PFKM: variants seen among roughly 807,000 people sequenced by gnomAD.
PFKM encodes ATP-dependent 6-phosphofructokinase, muscle type.
In PFKM, 58 loss-of-function variants were observed where a neutral mutation model predicts 95.5. The observed-to-expected ratio is 0.61, with a 90% CI of 0.49 to 0.76. The LOEUF (loss-of-function observed/expected upper bound fraction) is 0.76, where lower values mean the gene tolerates loss of function less well. PFKM is among the 30% of genes least tolerant of loss of function. The pLI is 0.00. For synonymous variants in PFKM, 336 were observed against 357.2 expected, an observed-to-expected ratio of 0.94 and a Z score of 0.67; for missense variants, 678 against 1,005.4, an observed-to-expected ratio of 0.67 and a Z score of 4.40.
intron 1 of PFKM, among the ~76,000 whole-genome samples, chr12:48,121,602 A>G (rs972420731): frequency 1.7e-4 from 26 of 152,326 alleles, no homozygotes; most frequent in Admixed American, 6.5e-4. Context: ...AGCTGCCCGT[A>G]AAACTTGGGT....
intron 1 of PFKM, chr12:48,106,294 T>A (rs1489550090): frequency 1.7e-6 from 1 of 593,622 alleles, no homozygotes; most frequent in Non-Finnish European, 3.0e-6. Context: ...TTTTTCGCTT[T>A]CTCGTACTCG....
chr12:48,120,152 A>G (rs1043345149), intron 1 of PFKM, among the ~76,000 whole-genome samples: 30 of 152,212 alleles, frequency 2.0e-4, no homozygotes, highest in African/African-American at 6.7e-4. Context: ...TTCTTTTTGG[A>G]AAACAGCAGA....
rs142868881 is a variant in PFKM, at chr12:48,135,015, A to G, written c.820A>G (p.Ile274Val). 2.0e-4 allele frequency: 318 copies of G among 1,613,384 alleles called. No individual in the cohort carries two copies. The highest frequency in any genetic ancestry group is 4.5e-4 in the Admixed American group (27 of 60,020). The change falls in exon 9 of 23, where the codon ATC becomes GTC. Residue 274 changes from isoleucine to valine, a missense_variant. By Grantham distance (29) the Ile-to-Val change is conservative (BLOSUM62 3). Transcript: ENST00000359794. ...EGAIDKNGKPITSEDIKNLVV... is the reference protein window; with the variant it reads ...EGAIDKNGKPVTSEDIKNLVV... ...TGCAATTGACAAGAATGGAAAACCAATCACCTCAGAAGACATCAAGAATGT... is the reference window on the plus strand; with the variant it reads ...TGCAATTGACAAGAATGGAAAACCAGTCACCTCAGAAGACATCAAGAATGT...
In PFKM at chr12:48,145,687, G is replaced by A. The variant is rs2136056634; in HGVS notation, c.2322G>A (p.Arg774=). The stretch of plus-strand genomic sequence containing the variant: ...ACCTGGAGCACATCACCCGGAAGCG[G>A]TCCGGGGAAGCTGCCGTCTAAACCT... The part of the protein sequence containing the change: ...HAHLEHITRK[R]SGEAAV Residue 774 remains arginine (R), a synonymous_variant, in exon 23 of 23, where the codon CGG becomes CGA. Coordinates refer to ENST00000359794, the MANE Select transcript of PFKM (RefSeq NM_000289.6). The surrounding 1 kb of genome is among the most constrained non-coding windows in gnomAD (Gnocchi z 4.3). 1 of 1,614,172 alleles carries A rather than the reference G, an allele frequency of 6.2e-7. No homozygotes were observed. The highest frequency in any genetic ancestry group is 8.5e-7 in the Non-Finnish European group (1 of 1,180,006).
chr12:48,105,923 G>A, exon 1 of PFKM: 1 of 663,608 alleles, frequency 1.5e-6, no homozygotes, highest in Non-Finnish European at 2.7e-6. Context: ...AGTGCTCCCC[G>A]CTTCCGCCCA....
chr12:48,114,085 T>C lies in PFKM; in HGVS notation c.205+5891T>C, dbSNP rs527247986. 6.4e-4 allele frequency among the ~76,000 whole-genome samples: 97 copies of C among 152,260 alleles called. 1 individual carries two copies. The South Asian group carries it at 6.8e-3, about 11-fold the overall frequency. The stretch of plus-strand genomic sequence containing the variant: ...CTGGGGAATCGGCCGGATAGTTCCA[T>C]TGGGGATCGCCTCAGGGAACTGCTC... On this transcript the variant is annotated intron_variant, in intron 3 of 24. Coordinates refer to the PFKM transcript ENST00000340802.
At position 48,137,789 on chromosome 12, in the gene PFKM, A is replaced by G. The variant is rs1454843075; in HGVS notation, c.1005A>G (p.Val335=). 7 of 1,614,018 alleles carry G rather than the reference A, an allele frequency of 4.3e-6. No individual in the cohort carries two copies. Among genetic ancestry groups the G allele is most frequent in the East Asian group, 4.5e-5 (2 of 44,884 alleles). ...GGACCCCAGATACCCCAGCCTGTGT[A>G]GTGAGCCTCTCTGGTAACCAGGCTG... is the stretch of plus-strand genomic sequence containing the variant. ...LEGTPDTPAC[V]VSLSGNQAVR... The change falls in exon 11 of 23, where the codon GTA becomes GTG. Residue 335 remains valine, a synonymous_variant. Transcript: ENST00000359794.
intron 20 of PFKM, among the ~76,000 whole-genome samples, chr12:48,144,508 T>C (rs7484648): frequency 6.6e-6 from 1 of 152,162 alleles, no homozygotes; most frequent in Non-Finnish European, 1.5e-5. Flanking sequence ...ACCCACTAGA[T>C]GCCAGTAGCA....
At chr12:48,128,755 A>G (rs995548841) in intron 2 of PFKM, among the ~76,000 whole-genome samples, 1 of 152,146 alleles carries the variant, frequency 6.6e-6, no homozygotes, top group African/African-American at 2.4e-5. Flanking sequence ...TAGCTCTCTT[A>G]GTGCTTGTTG....
rs747272882 is a variant in PFKM, at chr12:48,145,148, G to A, written c.2092+18G>A. The A allele has an allele frequency of 8.1e-6, 13 of 1,610,380 alleles. No homozygotes were observed. Among genetic ancestry groups the A allele is most frequent in the East Asian group, 2.2e-5 (1 of 44,870 alleles). On this transcript the variant is annotated intron_variant, in intron 21 of 22. Coordinates refer to ENST00000359794, the MANE Select transcript of PFKM (RefSeq NM_000289.6). This position sits in a 1 kb window ranked among gnomAD's most constrained non-coding sequence, Gnocchi z 4.3. ...CCGTAATGGTAGGTGGGGTGAGAGC[G>A]AGTGCCCTCTATAGAGGCTGGTTCC...
At chr12:48,105,580 A>G (rs1199251311), upstream of PFKM, 5 of 482,642 alleles carry the variant, frequency 1.0e-5, no homozygotes, top group Non-Finnish European at 1.7e-5. Context: ...TAGTCAAGAA[A>G]TATCACTCGG....
intron 7 of PFKM, 140 bp downstream of exon 7, chr12:48,134,416 C>T: frequency 1.3e-6 from 1 of 777,618 alleles, no homozygotes; most frequent in East Asian, 2.5e-5. Flanking sequence ...CCCTTTCCGG[C>T]CTCCATCCCC....
intron 6 of PFKM, among the ~76,000 whole-genome samples, chr12:48,133,863 G>A (rs1197078093): frequency 6.6e-6 from 1 of 152,124 alleles, no homozygotes; most frequent in African/African-American, 2.4e-5. Flanking sequence ...AAGGGGACCT[G>A]GGGGGAGGCA....
At chr12:48,109,335 C>T (rs994362165) in intron 3 of PFKM, among the ~76,000 whole-genome samples, 1 of 151,354 alleles carries the variant, frequency 6.6e-6, no homozygotes. Flanking sequence ...CCCTCCCTCC[C>T]TTCCTTCTTT....
At chr12:48,106,306 A>C in intron 1 of PFKM, 1 of 590,684 alleles carries the variant, frequency 1.7e-6, no homozygotes, top group East Asian at 2.9e-5. Context: ...TCGTACTCGG[A>C]ATACTGTTAG....
At chr12:48,117,959 T>A (rs1253541681), upstream of PFKM, among the ~76,000 whole-genome samples, 1 of 152,186 alleles carries the variant, frequency 6.6e-6, no homozygotes, top group Non-Finnish European at 1.5e-5. Flanking sequence ...ATTTTCTGAT[T>A]GGAAATTGGT....
intron 3 of PFKM, among the ~76,000 whole-genome samples, chr12:48,111,086 A>T (rs1037683607): frequency 2.0e-5 from 3 of 152,206 alleles, no homozygotes; most frequent in Non-Finnish European, 2.9e-5. Context: ...CCAACTGCCC[A>T]CTAGACATAA....
At chr12:48,144,011 C>A in intron 19 of PFKM, 35 bp from the exon 20 acceptor site, 1 of 1,453,654 alleles carries the variant, frequency 6.9e-7, no homozygotes, top group Non-Finnish European at 9.7e-7. Context: ...GGAAGCCAAC[C>A]ACAGAGTCAC....
intron 14 of PFKM, 50 bp downstream of exon 14, chr12:48,140,921 T>C: frequency 6.3e-7 from 1 of 1,595,950 alleles, no homozygotes; most frequent in Non-Finnish European, 8.6e-7. Flanking sequence ...AAGATAAGTG[T>C]AGCAAGAATG....
Sources: gnomAD v4.1 joint callset for allele counts (sites outside exome capture counted in the v4.1 genomes callset) on GRCh38, gnomAD v4.1.1 for gene constraint, Gnocchi (gnomAD v3.1) non-coding constraint, MANE v1.5 for transcripts, NCBI Gene and HGNC (gene_info 2026-07-23, HGNC 2026-07-21) for gene names.